MEIS2: variants seen among roughly 807,000 people sequenced by gnomAD.
The protein encoded by MEIS2 is homeobox protein Meis2.
A neutral mutation model predicts 58.6 loss-of-function variants in MEIS2; 9 were observed. The ratio of observed to expected loss-of-function variants is 0.15; its 90% CI spans 0.09 to 0.27. MEIS2 has a LOEUF of 0.27. Ranked by LOEUF, MEIS2 falls within the 10% of genes least tolerant of loss-of-function variation. The probability of loss-of-function intolerance (pLI) is 1.00; values close to 1 mark genes in which losing one functional copy is unlikely to be tolerated. For synonymous variants in MEIS2, 221 were observed against 228.4 expected (o/e 0.97, Z 0.29); for missense variants, 427 against 635.0 (o/e 0.67, Z 3.52).
At chr15:36,951,017 T>C (rs2058732317) in intron 8 of MEIS2, among the ~76,000 whole-genome samples, 1 of 152,130 alleles carries the variant, frequency 6.6e-6, no homozygotes, top group Non-Finnish European at 1.5e-5. Context: ...TCTAACAGGG[T>C]CACACCCAAT....
chr15:37,012,064 T>A (rs572315983), intron 8 of MEIS2, among the ~76,000 whole-genome samples: 1 of 152,320 alleles, frequency 6.6e-6, no homozygotes, highest in African/African-American at 2.4e-5. Flanking sequence ...TTAACACTCC[T>A]GACAGAGGGA....
intron 7 of MEIS2, chr15:37,050,744 T>C (rs1016680041): frequency 1.3e-5 from 2 of 151,992 alleles, no homozygotes; most frequent in South Asian, 4.1e-4. Context: ...TGGGGGGAAA[T>C]GGTGATGTGA....
intron 8 of MEIS2, among the ~76,000 whole-genome samples, chr15:36,953,541 G>A (rs2058839365): frequency 6.6e-6 from 1 of 152,130 alleles, no homozygotes; most frequent in South Asian, 2.1e-4. Flanking sequence ...ACTCATAAGA[G>A]CACACGTCAT....
chr15:36,994,038 A>T (rs1039872902), intron 8 of MEIS2, among the ~76,000 whole-genome samples: 1 of 152,134 alleles, frequency 6.6e-6, no homozygotes, highest in Non-Finnish European at 1.5e-5. Context: ...AGAAAAAAAA[A>T]GTATGCACAT....
intron 7 of MEIS2, among the ~76,000 whole-genome samples, chr15:37,045,476 A>AT (rs2062624120): frequency 7.0e-6 from 1 of 142,100 alleles, no homozygotes; most frequent in Non-Finnish European, 1.5e-5. Context: ...TTCAAATGAG[A>AT]TTAAAAAAAA....
At chr15:37,097,628 T>C (rs1045841786) in intron 2 of MEIS2, among the ~76,000 whole-genome samples, 45 of 152,178 alleles carry the variant, frequency 3.0e-4, no homozygotes, top group Non-Finnish European at 1.3e-4. Context: ...CGTCAAGGCC[T>C]CTGTTAGGGA....
At chr15:37,010,504 T>A (rs2061107949) in intron 8 of MEIS2, among the ~76,000 whole-genome samples, 1 of 152,108 alleles carries the variant, frequency 6.6e-6, no homozygotes, top group Non-Finnish European at 1.5e-5. Flanking sequence ...CCCCTAAGCC[T>A]CTGGAGTAAC....
intron 9 of MEIS2, among the ~76,000 whole-genome samples, chr15:36,909,196 T>C (rs769025109): frequency 6.6e-6 from 1 of 152,116 alleles, no homozygotes; most frequent in Non-Finnish European, 1.5e-5. Flanking sequence ...GCAACTTCCC[T>C]GGTTCCAAAG....
At chr15:36,947,675 A>G (rs2058617306) in intron 9 of MEIS2, among the ~76,000 whole-genome samples, 3 of 151,998 alleles carry the variant, frequency 2.0e-5, no homozygotes, top group African/African-American at 7.2e-5. Flanking sequence ...CCTGGTCTCA[A>G]TCGGAGAAGT....
intron 8 of MEIS2, among the ~76,000 whole-genome samples, chr15:37,025,212 A>C (rs2061661495): frequency 1.3e-5 from 2 of 152,206 alleles, no homozygotes; most frequent in African/African-American, 4.8e-5. Flanking sequence ...TGAAAACATT[A>C]ATAGACACCA....
intron 8 of MEIS2, among the ~76,000 whole-genome samples, chr15:36,963,992 T>C (rs531801328): frequency 1.8e-4 from 27 of 152,334 alleles, no homozygotes; most frequent in African/African-American, 6.0e-4. Flanking sequence ...GCATAAAACC[T>C]GTCAGCAAGG....
chr15:37,088,829 G>T (rs1015573184), intron 6 of MEIS2, among the ~76,000 whole-genome samples: 1 of 152,062 alleles, frequency 6.6e-6, no homozygotes, highest in African/African-American at 2.4e-5. Context: ...ATTATAAAAT[G>T]CCTCTTAAAA....
chr15:37,057,718 T>C (rs1275157730), intron 7 of MEIS2, among the ~76,000 whole-genome samples: 2 of 151,992 alleles, frequency 1.3e-5, no homozygotes, highest in African/African-American at 2.4e-5. Context: ...TTGTCTTTTT[T>C]CCCCCCGGTA....
intron 6 of MEIS2, among the ~76,000 whole-genome samples, chr15:37,087,294 C>T (rs192292239): frequency 2.1e-4 from 32 of 152,092 alleles, no homozygotes; most frequent in African/African-American, 6.0e-4. Flanking sequence ...CTTGCTCTTA[C>T]GTAATTGTGT....
At chr15:36,976,442 T>C (rs1350048239) in intron 8 of MEIS2, among the ~76,000 whole-genome samples, 1 of 150,482 alleles carries the variant, frequency 6.6e-6, no homozygotes, top group Non-Finnish European at 1.5e-5. Flanking sequence ...AAGAGTGGCT[T>C]CTTCTGGGCA....
chr15:36,941,431 C>T (rs537655897), intron 9 of MEIS2, among the ~76,000 whole-genome samples: 47 of 152,240 alleles, frequency 3.1e-4, no homozygotes, highest in African/African-American at 1.0e-3. Flanking sequence ...ACTATTTTGC[C>T]CACCTCCTTA....
intron 8 of MEIS2, among the ~76,000 whole-genome samples, chr15:37,032,784 T>C (rs547656663): frequency 6.6e-6 from 1 of 152,308 alleles, no homozygotes; most frequent in South Asian, 2.1e-4. Context: ...GTAAGGGGCA[T>C]TTTGAAAATA....
At chr15:37,087,913 T>G (rs771032263) in intron 6 of MEIS2, among the ~76,000 whole-genome samples, 36 of 152,096 alleles carry the variant, frequency 2.4e-4, no homozygotes, top group Non-Finnish European at 4.3e-4. Context: ...AATACAAAAC[T>G]GAATGGAGAA....
intron 8 of MEIS2, among the ~76,000 whole-genome samples, chr15:36,991,797 T>TC (rs910225962): frequency 3.1e-5 from 4 of 128,704 alleles, no homozygotes; most frequent in Non-Finnish European, 6.6e-5. Context: ...TTTTTTTTTT[T>TC]TTTTTTTTGA....
Sources: gnomAD v4.1 joint callset for allele counts (sites outside exome capture counted in the v4.1 genomes callset) on GRCh38, gnomAD v4.1.1 for gene constraint, MANE v1.5 for transcripts, NCBI Gene and HGNC (gene_info 2026-07-23, HGNC 2026-07-21) for gene names.